Variants in MAF observed in about 807,000 individuals in gnomAD.
The protein encoded by MAF is MAF bZIP transcription factor.
A neutral mutation model predicts 22.0 loss-of-function variants in MAF; 10 were observed. That is an observed-to-expected ratio of 0.45 (90% confidence interval 0.28 to 0.77). The LOEUF (loss-of-function observed/expected upper bound fraction) is 0.77. Ranked by LOEUF, MAF falls within the 30% of genes least tolerant of loss-of-function variation. The pLI, the probability that MAF is intolerant of heterozygous loss-of-function variation, is 0.12. For synonymous variants in MAF, 337 were observed against 255.8 expected, an observed-to-expected ratio of 1.32 and a Z score of -3.03; for missense variants, 544 against 548.4, an observed-to-expected ratio of 0.99 and a Z score of 0.08.
the MAF span, among the ~76,000 whole-genome samples, chr16:79,449,449 G>A: frequency 2.6e-3 from 389 of 152,254 alleles, 1 homozygote; most frequent in African/African-American, 7.8e-3. Flanking sequence ...ATAGCTGTGC[G>A]GTGTGCTTGT....
At chr16:79,469,675 C>T in the MAF span, among the ~76,000 whole-genome samples, 4 of 152,118 alleles carry the variant, frequency 2.6e-5, no homozygotes, top group Non-Finnish European at 5.9e-5. Flanking sequence ...CAGCTCACTG[C>T]AACCTCTACC....
the MAF span, among the ~76,000 whole-genome samples, chr16:79,577,332 A>T: frequency 6.6e-6 from 1 of 152,132 alleles, no homozygotes; most frequent in Non-Finnish European, 1.5e-5. Flanking sequence ...CTGCTTAACT[A>T]AGGAGGAATG....
At chr16:79,216,861 G>A in the MAF span, among the ~76,000 whole-genome samples, 3 of 150,756 alleles carry the variant, frequency 2.0e-5, no homozygotes, top group Non-Finnish European at 4.4e-5. Context: ...CCAGGCTGGA[G>A]TGCAGCGGCA....
At chr16:79,384,765 T>G in the MAF span, among the ~76,000 whole-genome samples, 1 of 151,712 alleles carries the variant, frequency 6.6e-6, no homozygotes, top group African/African-American at 2.4e-5. Flanking sequence ...TCAAAAAAAA[T>G]AAAATAAAAT....
chr16:79,508,960 A>T, the MAF span, among the ~76,000 whole-genome samples: 1,220 of 152,342 alleles, frequency 8.0e-3, 6 homozygotes, highest in Non-Finnish European at 0.013. Context: ...CCTGGCACTG[A>T]AAGTGCTAAA....
the MAF span, among the ~76,000 whole-genome samples, chr16:79,516,794 T>C: frequency 6.6e-6 from 1 of 152,114 alleles, no homozygotes; most frequent in South Asian, 2.1e-4. Context: ...AGAGGTTCCA[T>C]GGAATCTACT....
the MAF span, among the ~76,000 whole-genome samples, chr16:79,226,036 C>T: frequency 6.6e-6 from 1 of 152,154 alleles, no homozygotes; most frequent in Admixed American, 6.5e-5. Flanking sequence ...TGGGTATATA[C>T]CCAAAGGATT....
the MAF span, among the ~76,000 whole-genome samples, chr16:79,423,403 G>T: frequency 1.3e-5 from 2 of 152,126 alleles, no homozygotes; most frequent in Non-Finnish European, 2.9e-5. Flanking sequence ...TCCTATAAGG[G>T]CCGTGGAGGC....
the MAF span, among the ~76,000 whole-genome samples, chr16:79,479,696 A>G: frequency 1.3e-5 from 2 of 152,242 alleles, no homozygotes; most frequent in Non-Finnish European, 2.9e-5. Flanking sequence ...TGCTAGGCAG[A>G]ATTTGGTATT....
the MAF span, among the ~76,000 whole-genome samples, chr16:79,455,220 A>G: frequency 2.0e-5 from 3 of 152,186 alleles, no homozygotes; most frequent in Non-Finnish European, 2.9e-5. Flanking sequence ...AGTATCCTCA[A>G]AGTGAAGCCA....
downstream of MAF, among the ~76,000 whole-genome samples, chr16:79,581,816 G>C (rs905279765): frequency 2.6e-5 from 4 of 152,142 alleles, no homozygotes; most frequent in Non-Finnish European, 4.4e-5. Flanking sequence ...TGTTAATTAC[G>C]TGTTAATGTC....
chr16:79,211,622 C>T, the MAF span: 1 of 1,614,022 alleles, frequency 6.2e-7, no homozygotes, highest in African/African-American at 1.3e-5. Context: ...AGGGAGCTGC[C>T]ACCACCGTGT....
chr16:79,361,303 C>T, the MAF span, among the ~76,000 whole-genome samples: 1 of 152,124 alleles, frequency 6.6e-6, no homozygotes, highest in East Asian at 1.9e-4. Context: ...CTCTGAGTCC[C>T]TCCTCTAGGT....
chr16:79,322,930 C>G, the MAF span, among the ~76,000 whole-genome samples: 3 of 151,762 alleles, frequency 2.0e-5, no homozygotes, highest in African/African-American at 7.3e-5. Context: ...GTGAACAGAT[C>G]ATGAGGTCAG....
the MAF span, among the ~76,000 whole-genome samples, chr16:79,533,584 G>A: frequency 6.6e-6 from 1 of 152,210 alleles, no homozygotes; most frequent in African/African-American, 2.4e-5. Flanking sequence ...CATCTGTTCA[G>A]ATCCCCTCAT....
At chr16:79,357,012 T>G in the MAF span, among the ~76,000 whole-genome samples, 1 of 152,076 alleles carries the variant, frequency 6.6e-6, no homozygotes, top group South Asian at 2.1e-4. Flanking sequence ...ATCCCAGCAC[T>G]TTGGGAGGCC....
the MAF span, among the ~76,000 whole-genome samples, chr16:79,234,874 C>A: frequency 7.2e-5 from 11 of 151,996 alleles, no homozygotes; most frequent in Non-Finnish European, 1.3e-4. Flanking sequence ...AGGAGCAGAC[C>A]CAGAAGCAGG....
the MAF span, among the ~76,000 whole-genome samples, chr16:79,360,289 G>A: frequency 2.6e-5 from 4 of 152,094 alleles, no homozygotes; most frequent in African/African-American, 9.7e-5. Context: ...TGCTCTCCTG[G>A]GGAATCTCAC....
the MAF span, among the ~76,000 whole-genome samples, chr16:79,231,967 A>G: frequency 2.6e-3 from 403 of 152,170 alleles, 5 homozygotes; most frequent in African/African-American, 9.1e-3. Context: ...CATAAGGAGC[A>G]CACAACCTAG....
Sources: allele counts gnomAD v4.1 joint callset (sites outside exome capture counted in the v4.1 genomes callset), GRCh38; gene constraint gnomAD v4.1.1; transcripts MANE v1.5; gene names NCBI Gene and HGNC (gene_info 2026-07-23, HGNC 2026-07-21).